The following TFPI variants were observed in gnomAD, a reference collection of about 807,000 sequenced individuals.
TFPI encodes the protein tissue factor pathway inhibitor.
A neutral mutation model predicts 34.6 loss-of-function variants in TFPI; 15 were observed. That is an observed-to-expected ratio of 0.43 (90% confidence interval 0.29 to 0.67). The LOEUF is 0.67. TFPI is among the 30% of genes least tolerant of loss of function. TFPI has a pLI of 0.15. For synonymous variants in TFPI, 105 were observed against 120.1 expected, an observed-to-expected ratio of 0.87 and a Z score of 0.82; for missense variants, 301 against 364.0, an observed-to-expected ratio of 0.83 and a Z score of 1.41.
At chr2:187,508,729 T>A (rs1379130647) in intron 1 of TFPI, among the ~76,000 whole-genome samples, 2 of 152,348 alleles carry the variant, frequency 1.3e-5, no homozygotes, top group Admixed American at 1.3e-4. Flanking sequence ...TATAAAATCA[T>A]GTCATCTGCA....
At chr2:187,550,502 G>A (rs1320506960) in intron 1 of TFPI, among the ~76,000 whole-genome samples, 1 of 152,012 alleles carries the variant, frequency 6.6e-6, no homozygotes, top group Non-Finnish European at 1.5e-5. Flanking sequence ...GATATTTATA[G>A]AAATACAACA....
intron 1 of TFPI, among the ~76,000 whole-genome samples, chr2:187,510,773 A>G (rs747426117): frequency 2.0e-5 from 3 of 152,120 alleles, no homozygotes; most frequent in African/African-American, 2.4e-5. Flanking sequence ...TGCTCAATCA[A>G]TCACGACCCT....
intron 1 of TFPI, among the ~76,000 whole-genome samples, chr2:187,511,707 C>T (rs945752047): frequency 9.2e-5 from 14 of 152,062 alleles, no homozygotes; most frequent in African/African-American, 2.9e-4. Flanking sequence ...AGCCAGGGCA[C>T]GCAAACCAGT....
At chr2:187,526,074 T>A (rs1687661927) in intron 1 of TFPI, among the ~76,000 whole-genome samples, 1 of 152,154 alleles carries the variant, frequency 6.6e-6, no homozygotes, top group Non-Finnish European at 1.5e-5. Flanking sequence ...TAATGTTAGC[T>A]ATTATAATTT....
rs8176555 is a variant in TFPI, at chr2:187,474,395, A to G, written c.629-6463T>C. 9.0e-3 allele frequency among the ~76,000 whole-genome samples: 1,364 copies of G among 152,276 alleles called. 24 individuals carry two copies. Among genetic ancestry groups the G allele is most frequent in the African/African-American group, 0.031 (1,300 of 41,570 alleles). The stretch of plus-strand genomic sequence containing the variant: ...CAGGCTATCTGGAGAACATAACACA[A>G]AAAAGAGTATAGTGGGATACAAGGC... On this transcript the variant is annotated intron_variant, in intron 6 of 7. Transcript: ENST00000233156.
chr2:187,513,066 G>T (rs2106168960), intron 1 of TFPI, among the ~76,000 whole-genome samples: 1 of 152,254 alleles, frequency 6.6e-6, no homozygotes, highest in Non-Finnish European at 1.5e-5. Flanking sequence ...TTGGTAAAGG[G>T]ATTATAAGGA....
chr2:187,542,680 C>A (rs1484658517), intron 1 of TFPI, among the ~76,000 whole-genome samples: 1 of 151,914 alleles, frequency 6.6e-6, no homozygotes. Flanking sequence ...CAAGCCTGAC[C>A]AACATGGTGA....
chr2:187,536,944 GACAA>G (rs145531743), intron 1 of TFPI, among the ~76,000 whole-genome samples: 26,528 of 151,888 alleles, frequency 0.17, 2,370 homozygotes, highest in East Asian at 0.31. Context: ...ACCAATAACA[GACAA>G]ACAGACAGCC....
intron 3 of TFPI, among the ~76,000 whole-genome samples, chr2:187,495,344 G>C (rs1284761982): frequency 1.3e-5 from 2 of 152,184 alleles, no homozygotes; most frequent in African/African-American, 4.8e-5. Context: ...TGACAACTAA[G>C]AATGATTTTC....
intron 1 of TFPI, among the ~76,000 whole-genome samples, chr2:187,551,075 T>G: frequency 6.6e-6 from 1 of 152,198 alleles, no homozygotes; most frequent in East Asian, 1.9e-4. Flanking sequence ...TGTTTACATT[T>G]TATCAGTGTC....
chr2:187,534,512 C>A (rs113288759), intron 1 of TFPI, among the ~76,000 whole-genome samples: 6,212 of 152,180 alleles, frequency 0.041, 152 homozygotes, highest in Admixed American at 0.09. Context: ...TACAGACAAG[C>A]AAATGCTGAG....
chr2:187,546,224 A>G (rs1474792982), intron 1 of TFPI, among the ~76,000 whole-genome samples: 1 of 151,968 alleles, frequency 6.6e-6, no homozygotes, highest in Non-Finnish European at 1.5e-5. Flanking sequence ...CATAACTACT[A>G]AAACTCTCTA....
At position 187,484,011 on chromosome 2, in the gene TFPI, G is replaced by A. The variant is rs752220176; in HGVS notation, c.628+113C>T. The stretch of plus-strand genomic sequence containing the variant: ...AGTATTTCAACAAACACATTATTAA[G>A]CAACAACGCAGGTATATATATATAT... On this transcript the variant is annotated intron_variant, in intron 6 of 7. Transcript: ENST00000233156. The A allele has an allele frequency of 1.2e-4, 98 of 821,732 alleles. 1 individual carries two copies. Among genetic ancestry groups the A allele is most frequent in the Middle Eastern group, 4.6e-4 (2 of 4,364 alleles). 50.9% of individuals were successfully genotyped at this position (821,732 alleles called of 1,614,324 possible).
At chr2:187,468,459 A>C (rs1314913333) in intron 6 of TFPI, among the ~76,000 whole-genome samples, 1 of 152,152 alleles carries the variant, frequency 6.6e-6, no homozygotes, top group Non-Finnish European at 1.5e-5. Context: ...GCACAGTTTA[A>C]AGTGGAGGAA....
intron 6 of TFPI, among the ~76,000 whole-genome samples, chr2:187,471,929 T>C (rs1200894780): frequency 6.6e-6 from 1 of 152,068 alleles, no homozygotes; most frequent in Admixed American, 6.6e-5. Flanking sequence ...TATTTTATTC[T>C]TCTAAGACTT....
intron 1 of TFPI, among the ~76,000 whole-genome samples, chr2:187,534,462 C>G (rs1245632465): frequency 2.0e-5 from 3 of 152,100 alleles, no homozygotes; most frequent in African/African-American, 7.2e-5. Context: ...TCATATCAAG[C>G]AAAACTAAGC....
At chr2:187,531,815 ATAGT>A (rs1226131683) in intron 1 of TFPI, among the ~76,000 whole-genome samples, 1 of 152,156 alleles carries the variant, frequency 6.6e-6, no homozygotes, top group African/African-American at 2.4e-5. Context: ...TGTATTCATT[ATAGT>A]TAAATAAAAT....
At chr2:187,496,639 T>C (rs1685499517) in intron 3 of TFPI, among the ~76,000 whole-genome samples, 1 of 152,086 alleles carries the variant, frequency 6.6e-6, no homozygotes, top group South Asian at 2.1e-4. Flanking sequence ...CTTTAAAATG[T>C]CTCTCGGGCA....
intron 1 of TFPI, among the ~76,000 whole-genome samples, chr2:187,524,226 T>A (rs1687564255): frequency 6.6e-6 from 1 of 152,062 alleles, no homozygotes; most frequent in Non-Finnish European, 1.5e-5. Flanking sequence ...TATACAAGTT[T>A]TGGTGTGAAC....
Sources: allele counts gnomAD v4.1 joint callset (sites outside exome capture counted in the v4.1 genomes callset), GRCh38; gene constraint gnomAD v4.1.1; transcripts MANE v1.5; gene names NCBI Gene and HGNC (gene_info 2026-07-23, HGNC 2026-07-21).